The following SYNE2 variants were observed in gnomAD, a reference collection of about 807,000 sequenced individuals.
The protein encoded by SYNE2 is spectrin repeat containing nuclear envelope protein 2.
SYNE2 carries 431 observed loss-of-function variants against 856.3 expected under a neutral mutation model. The observed-to-expected ratio is 0.50, with a 90% CI of 0.47 to 0.55. The LOEUF is 0.55. Ranked by LOEUF, SYNE2 falls within the 20% of genes least tolerant of loss-of-function variation. SYNE2 has a pLI of 0.00. For synonymous variants in SYNE2, 2,923 were observed against 2,872.3 expected (o/e 1.02, Z -0.56); for missense variants, 8,129 against 8,023.2 (o/e 1.01, Z -0.50).
intron 1 of SYNE2, among the ~76,000 whole-genome samples, chr14:63,889,508 T>A (rs2095077872): frequency 6.6e-6 from 1 of 152,148 alleles, no homozygotes; most frequent in Non-Finnish European, 1.5e-5. Flanking sequence ...TAGGGTCTTG[T>A]TCTGTTGCCC....
chr14:64,137,707 G>GT, intron 78 of SYNE2, 80 bp from the exon 79 acceptor site: 1 of 1,450,400 alleles, frequency 6.9e-7, no homozygotes, highest in Non-Finnish European at 9.5e-7. Context: ...ACAAATGTCA[G>GT]TTTTAAATGC....
chr14:64,168,170 C>G (rs930246803), intron 92 of SYNE2, among the ~76,000 whole-genome samples: 9 of 152,142 alleles, frequency 5.9e-5, no homozygotes, highest in African/African-American at 2.2e-4. Flanking sequence ...GTGGCGCAAT[C>G]TCGGCTCACT....
chr14:64,037,212 G>T (rs1001072147), intron 45 of SYNE2, among the ~76,000 whole-genome samples: 11 of 151,846 alleles, frequency 7.2e-5, no homozygotes, highest in Non-Finnish European at 1.6e-4. Flanking sequence ...GACAATAGTG[G>T]AGGGAAGGTC....
At chr14:64,190,901 A>T (rs1315257288) in intron 99 of SYNE2, 1 of 697,836 alleles carries the variant, frequency 1.4e-6, no homozygotes, top group Non-Finnish European at 2.6e-6. Context: ...ATGTCTTCAA[A>T]TTCCCTCTCT....
intron 1 of SYNE2, among the ~76,000 whole-genome samples, chr14:63,897,052 G>C (rs2095264423): frequency 6.6e-6 from 1 of 152,192 alleles, no homozygotes; most frequent in African/African-American, 2.4e-5. Flanking sequence ...AGGAGTTTGA[G>C]ACCAGCCTGG....
chr14:64,103,713 A>G, intron 64 of SYNE2, among the ~76,000 whole-genome samples: 1 of 151,990 alleles, frequency 6.6e-6, no homozygotes, highest in Non-Finnish European at 1.5e-5. Flanking sequence ...TCCCCTCCCT[A>G]ACATGTTCTC....
chr14:64,074,312 A>T (rs1015749222), intron 53 of SYNE2, among the ~76,000 whole-genome samples, 176 bp downstream of exon 53: 2 of 152,214 alleles, frequency 1.3e-5, no homozygotes, highest in African/African-American at 4.8e-5. Context: ...GGAGAAGATC[A>T]GTGTGGCTGG....
intron 23 of SYNE2, among the ~76,000 whole-genome samples, chr14:63,996,495 C>T (rs911896678): frequency 6.6e-6 from 1 of 152,030 alleles, no homozygotes; most frequent in African/African-American, 2.4e-5. Flanking sequence ...TCCTGCTGTG[C>T]CGTGTACTCC....
At chr14:64,178,453 GTTGT>G in intron 96 of SYNE2, among the ~76,000 whole-genome samples, 1 of 152,150 alleles carries the variant, frequency 6.6e-6, no homozygotes, top group East Asian at 1.9e-4. Flanking sequence ...AGGTGTCAGT[GTTGT>G]TTGTTCGTTT....
At chr14:64,094,976 T>C (rs2097664736) in intron 61 of SYNE2, 1 of 168,454 alleles carries the variant, frequency 5.9e-6, no homozygotes, top group African/African-American at 2.4e-5. Context: ...CTAAAACAAA[T>C]AGTAATGAGA....
intron 26 of SYNE2, 68 bp from the exon 27 acceptor site, chr14:63,998,846 A>T (rs2096732891): frequency 5.1e-6 from 8 of 1,578,348 alleles, no homozygotes; most frequent in Non-Finnish European, 6.9e-6. Flanking sequence ...TACAGGTGTG[A>T]GCCACTGCGC....
intron 10 of SYNE2, among the ~76,000 whole-genome samples, chr14:63,965,111 C>T (rs950304209): frequency 2.6e-5 from 4 of 151,540 alleles, no homozygotes; most frequent in East Asian, 1.9e-4. Context: ...TACAGGCATC[C>T]GCCACCAGGC....
intron 6 of SYNE2, among the ~76,000 whole-genome samples, chr14:63,948,660 CA>C (rs201591163): frequency 0.018 from 1,769 of 98,714 alleles, 45 homozygotes; most frequent in Middle Eastern, 0.041. Context: ...GACTCCATCT[CA>C]AAAAAAAAAA....
chr14:64,087,922 C>A, intron 58 of SYNE2, 66 bp downstream of exon 58: 2 of 1,558,102 alleles, frequency 1.3e-6, no homozygotes, highest in South Asian at 1.1e-5. Flanking sequence ...GTGGCTCATC[C>A]CTATAATTCC....
intron 1 of SYNE2, among the ~76,000 whole-genome samples, chr14:63,802,115 A>T (rs1482122882): frequency 2.0e-5 from 3 of 146,360 alleles, no homozygotes; most frequent in African/African-American, 7.5e-5. Context: ...TGTTACTATT[A>T]TTATTATTTG....
Position 64,087,842 on chromosome 14 carries a change from C to A in SYNE2, c.11656C>A (p.Gln3886Lys). The change falls in exon 58 of 116, where the codon CAG becomes AAG. Residue 3886 changes from glutamine (Q) to lysine (K), a missense_variant. Around this residue, in one of 3 missense-constraint regions of SYNE2, gnomAD observed 5,410 missense variants for 5,284.8 expected, o/e 1.02. Coordinates refer to ENST00000555002, the MANE Select transcript of SYNE2 (RefSeq NM_182914.3). ...QKIMESLPQIQRMADDVVAIE... is the reference protein window; with the variant it reads ...QKIMESLPQIKRMADDVVAIE... ...AATAATGGAAAGCCTTCCACAGATT[C>A]AGCGAATGGCTGATGTAAGTTTGCA... 6.2e-7 allele frequency: 1 copy of A among 1,614,000 alleles called. No homozygotes were observed. Among genetic ancestry groups the A allele is most frequent in the South Asian group, 1.1e-5 (1 of 91,060 alleles).
chr14:64,212,936 C>T lies in SYNE2; in HGVS notation c.18987C>T (p.Leu6329=). ...TGATTGAGGATGAGCTGGAGGAACT[C>T]CACCGCTACTGCCAGGAGGTGTTTG... ...AVLIEDELEE[L]HRYCQEVFGR... is the part of the protein sequence containing the mutation. The change falls in exon 105 of 116, where the codon CTC becomes CTT. Residue 6329 remains leucine, a synonymous_variant. Transcript: ENST00000555002. 6.2e-7 allele frequency: 1 copy of T among 1,614,226 alleles called. No homozygotes were observed. Among genetic ancestry groups the T allele is most frequent in the Non-Finnish European group, 8.5e-7 (1 of 1,180,046 alleles).
intron 1 of SYNE2, among the ~76,000 whole-genome samples, chr14:63,861,638 T>C (rs1469156286): frequency 6.7e-6 from 1 of 149,346 alleles, no homozygotes; most frequent in East Asian, 2.0e-4. Context: ...AAAAAAAAAT[T>C]AGCTGGGCTA....
At chr14:64,069,977 G>C (rs1404436304) in intron 51 of SYNE2, among the ~76,000 whole-genome samples, 1 of 152,218 alleles carries the variant, frequency 6.6e-6, no homozygotes, top group Non-Finnish European at 1.5e-5. Flanking sequence ...GGGTGGGCCA[G>C]GGGATTCGAG....
Sources: gnomAD v4.1 joint callset for allele counts (sites outside exome capture counted in the v4.1 genomes callset) on GRCh38, gnomAD v4.1.1 for gene constraint, gnomAD v4.1.1 regional missense constraint, MANE v1.5 for transcripts, NCBI Gene and HGNC (gene_info 2026-07-23, HGNC 2026-07-21) for gene names.